CHST9: variants seen among roughly 807,000 people sequenced by gnomAD.
CHST9 encodes carbohydrate sulfotransferase 9.
In CHST9, 41 loss-of-function variants were observed where a neutral mutation model predicts 44.4. The ratio of observed to expected loss-of-function variants is 0.92; its 90% confidence interval spans 0.72 to 1.20. CHST9 has a LOEUF of 1.20. CHST9 is among the 50% of genes most tolerant of loss of function. The probability of loss-of-function intolerance (pLI) is 0.00; values close to 1 mark genes in which losing one functional copy is unlikely to be tolerated. For synonymous variants in CHST9, 171 were observed against 178.4 expected, an observed-to-expected ratio of 0.96 and a Z score of 0.33; for missense variants, 504 against 516.5, an observed-to-expected ratio of 0.98 and a Z score of 0.23.
intron 5 of CHST9, among the ~76,000 whole-genome samples, chr18:26,925,026 C>T (rs537607825): frequency 4.0e-5 from 6 of 151,672 alleles, no homozygotes; most frequent in African/African-American, 1.2e-4. Flanking sequence ...CCTGATCTTA[C>T]GGAGCATCCT....
chr18:26,958,500 G>GT (rs991751110), intron 4 of CHST9, among the ~76,000 whole-genome samples: 2 of 151,006 alleles, frequency 1.3e-5, no homozygotes, highest in African/African-American at 4.9e-5. Flanking sequence ...GTGGGACCTA[G>GT]TTAAACTAAA....
At chr18:27,074,209 G>C (rs1306688784) in intron 2 of CHST9, among the ~76,000 whole-genome samples, 1 of 152,118 alleles carries the variant, frequency 6.6e-6, no homozygotes, top group African/African-American at 2.4e-5. Flanking sequence ...TCTCCCAAGG[G>C]ATATGTTATT....
intron 4 of CHST9, among the ~76,000 whole-genome samples, chr18:26,945,416 C>T (rs1016482752): frequency 1.3e-5 from 2 of 152,188 alleles, no homozygotes; most frequent in African/African-American, 4.8e-5. Context: ...ACATCACTCC[C>T]CTCCACCTCC....
intron 4 of CHST9, among the ~76,000 whole-genome samples, chr18:26,962,088 G>T (rs1357582164): frequency 6.6e-6 from 1 of 152,150 alleles, no homozygotes; most frequent in African/African-American, 2.4e-5. Context: ...TGGCCTGGGG[G>T]TGTCAGGAAA....
At chr18:27,090,336 C>T (rs2058056034) in intron 2 of CHST9, among the ~76,000 whole-genome samples, 1 of 152,064 alleles carries the variant, frequency 6.6e-6, no homozygotes, top group Non-Finnish European at 1.5e-5. Flanking sequence ...TTTGTAGGTT[C>T]TGGATATTAG....
intron 4 of CHST9, among the ~76,000 whole-genome samples, chr18:26,981,218 A>C (rs569202290): frequency 6.6e-6 from 1 of 152,216 alleles, no homozygotes; most frequent in Admixed American, 6.5e-5. Context: ...AGAAAGAGCC[A>C]AGGGTTTCTT....
At chr18:27,181,076 T>C (rs745511452) in intron 1 of CHST9, among the ~76,000 whole-genome samples, 1 of 152,190 alleles carries the variant, frequency 6.6e-6, no homozygotes, top group African/African-American at 2.4e-5. Context: ...ACCATTCTCC[T>C]TACTTCCATA....
intron 2 of CHST9, among the ~76,000 whole-genome samples, chr18:27,118,261 T>C (rs565825105): frequency 4.8e-4 from 73 of 152,342 alleles, no homozygotes; most frequent in Admixed American, 1.1e-3. Context: ...ATTGTTGAGC[T>C]TCAGGAGTTC....
At chr18:27,105,301 TAAAGA>T (rs2058211302) in intron 2 of CHST9, among the ~76,000 whole-genome samples, 2 of 152,148 alleles carry the variant, frequency 1.3e-5, no homozygotes, top group Non-Finnish European at 2.9e-5. Context: ...CTACTTGCCT[TAAAGA>T]AAAGAAAGCA....
At chr18:27,124,848 G>A (rs116731696) in intron 2 of CHST9, among the ~76,000 whole-genome samples, 359 of 152,264 alleles carry the variant, frequency 2.4e-3, no homozygotes, top group African/African-American at 8.2e-3. Flanking sequence ...ACAAAATTCT[G>A]AGTCCAAAAT....
At chr18:27,132,102 G>A (rs72884365) in intron 2 of CHST9, among the ~76,000 whole-genome samples, 10,268 of 152,208 alleles carry the variant, frequency 0.067, 444 homozygotes, top group East Asian at 0.14. Context: ...CTGGGCTCTG[G>A]TCACTTATAT....
At chr18:27,010,371 C>T (rs2057068282) in intron 4 of CHST9, among the ~76,000 whole-genome samples, 1 of 152,016 alleles carries the variant, frequency 6.6e-6, no homozygotes, top group Non-Finnish European at 1.5e-5. Context: ...TACTGTAAGT[C>T]ATTGGCCACA....
chr18:27,099,600 CAT>C (rs1324905183), intron 2 of CHST9, among the ~76,000 whole-genome samples: 1 of 152,016 alleles, frequency 6.6e-6, no homozygotes, highest in Non-Finnish European at 1.5e-5. Context: ...GGCCAAGAAA[CAT>C]GTGAGAAAAT....
chr18:27,155,889 C>G (rs928094723), intron 1 of CHST9, among the ~76,000 whole-genome samples: 1 of 151,716 alleles, frequency 6.6e-6, no homozygotes, highest in African/African-American at 2.4e-5. Flanking sequence ...ATGCATCCAC[C>G]GGTAAAATGG....
At position 27,124,721 on chromosome 18, in the gene CHST9, G is replaced by A. The variant is rs116589074; in HGVS notation, c.121+17968C>T. 1.3e-3 allele frequency among the ~76,000 whole-genome samples: 196 copies of A among 152,272 alleles called. 2 individuals are homozygous for A. The highest frequency in any genetic ancestry group is 4.5e-3 in the African/African-American group (185 of 41,550). On this transcript the variant is annotated intron_variant, in intron 2 of 5. Transcript: ENST00000618847. ...CACACCTTTGATTCAAAGCAAACCA[G>A]GAGTCTCTACCTAATTTTCTGCCAC...
At chr18:27,062,591 T>C (rs1039887950) in intron 2 of CHST9, among the ~76,000 whole-genome samples, 6 of 152,216 alleles carry the variant, frequency 3.9e-5, no homozygotes, top group Admixed American at 6.5e-5. Flanking sequence ...TCCAAGTCTT[T>C]CCTATTGTGA....
intron 5 of CHST9, among the ~76,000 whole-genome samples, chr18:26,921,606 G>T (rs1221424734): frequency 6.6e-6 from 1 of 152,052 alleles, no homozygotes; most frequent in Admixed American, 6.6e-5. Context: ...CCATGACTAA[G>T]GGGTTTGCAT....
At chr18:26,946,248 G>A (rs2056161103) in intron 4 of CHST9, among the ~76,000 whole-genome samples, 1 of 152,182 alleles carries the variant, frequency 6.6e-6, no homozygotes, top group African/African-American at 2.4e-5. Flanking sequence ...TTAAATGTGG[G>A]CTCCCCAAAG....
At position 26,908,592 on chromosome 18, in the gene CHST9, G is replaced by A. The variant is rs540837416; in HGVS notation, c.*7667C>T. The A allele has an allele frequency of 7.9e-5, 12 of 152,134 alleles. No individual in the cohort carries two copies. In the East Asian group the frequency reaches 2.1e-3, roughly 27 times the overall value. The allele number at this position is 152,134 out of a possible 1,614,324, so 9.4% of individuals were successfully genotyped here. A position where few individuals can be genotyped will look rare whatever the true frequency, so the allele number is the denominator to read the frequency against. On this transcript the variant is annotated 3_prime_UTR_variant, in exon 6 of 6. Coordinates refer to ENST00000618847, the MANE Select transcript of CHST9 (RefSeq NM_031422.6). ...ATTTTTAAATAAATAAATAAAAAAG[G>A]CAGGACTTCTATTCAGAGGCTATTT...
Sources: gnomAD v4.1 joint callset for allele counts (sites outside exome capture counted in the v4.1 genomes callset) on GRCh38, gnomAD v4.1.1 for gene constraint, MANE v1.5 for transcripts, NCBI Gene and HGNC (gene_info 2026-07-23, HGNC 2026-07-21) for gene names.